COL4A3: variants seen among roughly 807,000 people sequenced by gnomAD.
COL4A3 encodes collagen alpha-3(IV) chain.
In COL4A3, 135 loss-of-function variants were observed where a neutral mutation model predicts 217.4. The observed-to-expected ratio is 0.62, with a 90% CI of 0.54 to 0.72. The LOEUF (loss-of-function observed/expected upper bound fraction) is 0.72, where lower values mean the gene tolerates loss of function less well. Ranked by LOEUF, COL4A3 falls within the 30% of genes least tolerant of loss-of-function variation. The pLI is 0.00. For synonymous variants in COL4A3, 690 were observed against 736.3 expected (o/e 0.94, Z 1.02); for missense variants, 1,868 against 2,119.9 (o/e 0.88, Z 2.33).
chr2:227,239,346 A>T (rs993187085), intron 2 of COL4A3, among the ~76,000 whole-genome samples: 4 of 152,226 alleles, frequency 2.6e-5, no homozygotes, highest in Non-Finnish European at 5.9e-5. Context: ...GTTCTAGGTT[A>T]TATGCAAATA....
At chr2:227,249,230 A>ATATTT in intron 9 of COL4A3, among the ~76,000 whole-genome samples, 5 of 14,694 alleles carry the variant, frequency 3.4e-4, no homozygotes, top group Admixed American at 8.1e-4. Flanking sequence ...ATATATATAT[A>ATATTT]TTTTTTTTTT....
rs1559896717 is a variant in COL4A3 at position 227,282,275 on chromosome 2, A to ATATATATAT, written c.2489-90_2489-89insTATATATAT. 497 of 354,440 alleles carry ATATATATAT rather than the reference A, an allele frequency of 1.4e-3. 1 individual carries two copies. The highest frequency in any genetic ancestry group is 6.7e-3 in the Admixed American group (124 of 18,438). The allele number at this position is 354,440 out of a possible 1,614,324, so 22.0% of individuals were successfully genotyped here. On this transcript the variant is annotated intron_variant, in intron 31 of 51. Transcript: ENST00000396578. The surrounding 1 kb of genome is among the most constrained non-coding windows in gnomAD (Gnocchi z 4.4). ...AGACAGAGGGAGATTCCATCTTAAA[A>ATATATATAT]ATATATATATATATATATATATATA...
intron 41 of COL4A3, among the ~76,000 whole-genome samples, chr2:227,297,116 G>A (rs2073061883): frequency 6.6e-6 from 1 of 152,156 alleles, no homozygotes. Context: ...GAATGTGTGG[G>A]GAAGTTAACT....
At position 227,172,180 on chromosome 2, in the gene COL4A3, C is replaced by T. The variant is rs76828235; in HGVS notation, c.87+7367C>T. 4.0e-3 allele frequency among the ~76,000 whole-genome samples: 613 copies of T among 152,350 alleles called. 4 individuals carry two copies. The highest frequency in any genetic ancestry group is 8.7e-3 in the African/African-American group (363 of 41,580). On this transcript the variant is annotated intron_variant, in intron 1 of 51. Coordinates refer to ENST00000396578, the MANE Select transcript of COL4A3 (RefSeq NM_000091.5). ...GATCTTATCGGGAAGATGCTGCTCACCACCTTCAGGTGTTTTCATTTCTTG... is the reference window on the plus strand; with the variant it reads ...GATCTTATCGGGAAGATGCTGCTCATCACCTTCAGGTGTTTTCATTTCTTG...
intron 1 of COL4A3, among the ~76,000 whole-genome samples, chr2:227,194,617 TC>T (rs11324341): frequency 0.61 from 93,381 of 151,898 alleles, 28,871 homozygotes; most frequent in East Asian, 0.66. Flanking sequence ...GTGAGCACAT[TC>T]TTAATAAAAT....
At chr2:227,284,982 A>C (rs1191543146) in intron 34 of COL4A3, among the ~76,000 whole-genome samples, 1 of 152,174 alleles carries the variant, frequency 6.6e-6, no homozygotes, top group Non-Finnish European at 1.5e-5. Flanking sequence ...CCAAATTTTC[A>C]GAAGCCCTCC....
At chr2:227,194,481 A>G (rs985265085) in intron 1 of COL4A3, among the ~76,000 whole-genome samples, 3 of 152,080 alleles carry the variant, frequency 2.0e-5, no homozygotes, top group African/African-American at 7.2e-5. Flanking sequence ...CCTCTCTCTG[A>G]TCTTTTGCCA....
chr2:227,280,934 C>A lies in COL4A3; in HGVS notation c.2416C>A (p.Pro806Thr), dbSNP rs2071919418. 6.4e-7 allele frequency: 1 copy of A among 1,565,904 alleles called. No homozygotes were observed. Among genetic ancestry groups the A allele is most frequent in the Non-Finnish European group, 8.7e-7 (1 of 1,154,628 alleles). Residue 806 changes from proline (P) to threonine (T), a missense_variant, in exon 31 of 52, where the codon CCA becomes ACA. Physicochemically the swap from Pro to Thr is conservative, Grantham distance 38. Transcript: ENST00000396578. ...TGGACCACCTGGAGAACAAGGACCC[C>A]CAGGAAGGTGCATAGAGGGTCCCAG... The part of the protein sequence containing the change: ...QPGPPGEQGP[P>T]GRCIEGPRGA...
chr2:227,194,819 C>G (rs2066407861), intron 1 of COL4A3, among the ~76,000 whole-genome samples: 1 of 151,958 alleles, frequency 6.6e-6, no homozygotes, highest in Non-Finnish European at 1.5e-5. Flanking sequence ...ACTAGCTCTT[C>G]TAATCAAAGA....
chr2:227,202,846 C>G (rs973642437), intron 1 of COL4A3, among the ~76,000 whole-genome samples: 1 of 31,492 alleles, frequency 3.2e-5, no homozygotes, highest in Non-Finnish European at 5.7e-5. Context: ...TGTATATATA[C>G]ATATGTGTAT....
chr2:227,195,969 C>G (rs562564228), intron 1 of COL4A3, among the ~76,000 whole-genome samples: 1 of 151,826 alleles, frequency 6.6e-6, no homozygotes, highest in African/African-American at 2.4e-5. Context: ...TAGAAAAAAG[C>G]TTATAGAATA....
chr2:227,182,401 T>G (rs1167290561), intron 1 of COL4A3, among the ~76,000 whole-genome samples: 1 of 152,214 alleles, frequency 6.6e-6, no homozygotes, highest in Non-Finnish European at 1.5e-5. Context: ...AAGAGAATTT[T>G]GAGTCAGTGC....
rs758586879 is a variant in COL4A3 at position 227,273,116 on chromosome 2, C to T, written c.1926C>T (p.Ala642=). The T allele has an allele frequency of 1.4e-5, 23 of 1,613,174 alleles. No individual in the cohort carries two copies. The highest frequency in any genetic ancestry group is 7.7e-5 in the South Asian group (7 of 91,052). Residue 642 remains alanine, a splice_region_variant and synonymous_variant, in exon 26 of 52, where the codon GCC becomes GCT. Transcript: ENST00000396578. ...GAGCCCCCGGACCACCCGGAGAAGC[C>T]GGTTGGTTAGTTTTCTTTCCAGTCC... ...VPGAPGPPGE[A]GPRGELSVST...
At chr2:227,268,383 C>A (rs1321385029) in intron 23 of COL4A3, 7 of 152,426 alleles carry the variant, frequency 4.6e-5, no homozygotes. Flanking sequence ...GACTGCGGTG[C>A]TGTCGCCTGT....
chr2:227,220,564 A>G (rs1328334994), intron 1 of COL4A3, among the ~76,000 whole-genome samples: 1 of 152,064 alleles, frequency 6.6e-6, no homozygotes, highest in African/African-American at 2.4e-5. Flanking sequence ...GGCTTCAGCA[A>G]TCCTCCCACC....
intron 30 of COL4A3, 81 bp downstream of exon 30, chr2:227,280,671 C>T: frequency 5.4e-6 from 8 of 1,484,244 alleles, no homozygotes; most frequent in Non-Finnish European, 6.6e-6. Flanking sequence ...GTGTTCTAGG[C>T]ATGAAGAATT....
chr2:227,210,366 A>G (rs946486630), intron 1 of COL4A3, among the ~76,000 whole-genome samples: 65 of 152,298 alleles, frequency 4.3e-4, no homozygotes, highest in Admixed American at 4.2e-3. Flanking sequence ...CAACGCAGGC[A>G]GATCACCTGA....
chr2:227,246,552 A>C, intron 6 of COL4A3, 133 bp from the exon 7 acceptor site: 2 of 733,756 alleles, frequency 2.7e-6, no homozygotes, highest in East Asian at 5.4e-5. Context: ...CTCATGACCC[A>C]GTAGCCATAA....
In COL4A3 at chr2:227,282,433, G is replaced by A. The variant is rs763726708; in HGVS notation, c.2557G>A (p.Gly853Arg). Residue 853 changes from glycine (G) to arginine (R), a missense_variant, in exon 32 of 52, where the codon GGA becomes AGA. This residue lies in a region of COL4A3 where 1,503 missense variants were observed against 1,786.1 expected (regional missense o/e 0.84). Coordinates refer to ENST00000396578, the MANE Select transcript of COL4A3 (RefSeq NM_000091.5). The surrounding 1 kb of genome is among the most constrained non-coding windows in gnomAD (Gnocchi z 4.4). The part of the protein sequence containing the change: ...IPGLDRSGFP[G>R]ETGSPGIPGH... ...AGGCTTGGATAGATCAGGATTTCCT[G>A]GAGAAACTGGATCACCAGGAATTCC... The A allele has an allele frequency of 1.2e-6, 2 of 1,613,898 alleles. No homozygotes were observed. Among genetic ancestry groups the A allele is most frequent in the Non-Finnish European group, 8.5e-7 (1 of 1,179,978 alleles).
Sources: gnomAD v4.1 joint callset for allele counts (sites outside exome capture counted in the v4.1 genomes callset) on GRCh38, gnomAD v4.1.1 for gene constraint, gnomAD v4.1.1 regional missense constraint, Gnocchi (gnomAD v3.1) non-coding constraint, MANE v1.5 for transcripts, NCBI Gene and HGNC (gene_info 2026-07-23, HGNC 2026-07-21) for gene names.